PIGN: variants seen among roughly 807,000 people sequenced by gnomAD.
PIGN encodes the protein GPI ethanolamine phosphate transferase 1.
PIGN carries 117 observed loss-of-function variants against 125.4 expected under a neutral mutation model. The observed-to-expected ratio is 0.93, with a 90% confidence interval of 0.80 to 1.09. PIGN has a LOEUF of 1.09. Among genes scored for constraint, PIGN ranks in the 50% least tolerant of loss-of-function variants. The probability of loss-of-function intolerance (pLI) is 0.00; values close to 1 mark genes in which losing one functional copy is unlikely to be tolerated. For missense variants in PIGN, 1,075 were observed against 1,094.9 expected, an observed-to-expected ratio of 0.98 and a Z score of 0.26; for synonymous variants, 392 against 377.8, an observed-to-expected ratio of 1.04 and a Z score of -0.44.
chr18:62,061,735 T>C (rs1599424686), intron 30 of PIGN, among the ~76,000 whole-genome samples: 1 of 152,284 alleles, frequency 6.6e-6, no homozygotes, highest in Admixed American at 6.5e-5. Flanking sequence ...CAGTTTATAA[T>C]ATCAGCGACA....
chr18:62,059,645 G>C (rs2031994320), intron 30 of PIGN, among the ~76,000 whole-genome samples: 1 of 152,194 alleles, frequency 6.6e-6, no homozygotes, highest in Non-Finnish European at 1.5e-5. Context: ...CTGGGCTTGG[G>C]ATGGTAATGG....
intron 30 of PIGN, among the ~76,000 whole-genome samples, chr18:62,058,192 C>T (rs2031864552): frequency 6.6e-6 from 1 of 152,024 alleles, no homozygotes; most frequent in Non-Finnish European, 1.5e-5. Flanking sequence ...TGGACTATTT[C>T]CTTAACCCTT....
chr18:62,118,364 C>G (rs1599562086), intron 14 of PIGN, among the ~76,000 whole-genome samples: 1 of 151,884 alleles, frequency 6.6e-6, no homozygotes, highest in Admixed American at 6.6e-5. Context: ...AATGCTCCCA[C>G]CAAGAACAAC....
rs530282200 is a variant in PIGN, at chr18:62,158,717, C to A, written c.222-909G>T. On this transcript the variant is annotated intron_variant, in intron 4 of 30. Transcript: ENST00000640252. ...ATATTTATAACTACTGGTGTCAGTT[C>A]TTTTACTATTGACTTACCTAATAAT... Among the ~76,000 whole-genome samples the A allele has an allele frequency of 5.3e-5, 8 of 152,304 alleles. No homozygotes were observed. In the South Asian group the frequency reaches 1.4e-3, roughly 28 times the overall value.
chr18:62,098,897 G>A (rs981060859), intron 22 of PIGN, among the ~76,000 whole-genome samples: 2 of 151,868 alleles, frequency 1.3e-5, no homozygotes, highest in Non-Finnish European at 2.9e-5. Context: ...AAATCAATAA[G>A]GACAATAAAT....
intron 23 of PIGN, among the ~76,000 whole-genome samples, chr18:62,030,321 G>A (rs77781631): frequency 0.024 from 3,605 of 152,276 alleles, 110 homozygotes; most frequent in African/African-American, 0.063. Context: ...CAGAGATCCT[G>A]GGGGGACATT....
At chr18:62,151,785 G>C (rs186590897) in intron 7 of PIGN, among the ~76,000 whole-genome samples, 1 of 152,208 alleles carries the variant, frequency 6.6e-6, no homozygotes, top group Non-Finnish European at 1.5e-5. Context: ...GGTAAGAATT[G>C]AGGTTGCTGC....
intron 14 of PIGN, among the ~76,000 whole-genome samples, chr18:62,124,698 G>C (rs529834834): frequency 3.3e-5 from 5 of 152,132 alleles, no homozygotes; most frequent in Non-Finnish European, 5.9e-5. Context: ...TCAAATACCA[G>C]ACATCATATG....
At chr18:62,081,438 A>C (rs1433354530) in intron 28 of PIGN, among the ~76,000 whole-genome samples, 1 of 152,210 alleles carries the variant, frequency 6.6e-6, no homozygotes, top group Admixed American at 6.5e-5. Flanking sequence ...TGTGATATCC[A>C]GGAAGAAATG....
intron 1 of PIGN, among the ~76,000 whole-genome samples, chr18:62,166,699 T>C (rs576909169): frequency 6.6e-6 from 1 of 152,170 alleles, no homozygotes; most frequent in African/African-American, 2.4e-5. Flanking sequence ...GTGGCATATA[T>C]ACACCATGGA....
intron 14 of PIGN, among the ~76,000 whole-genome samples, chr18:62,130,530 G>A (rs997285093): frequency 2.1e-5 from 3 of 141,098 alleles, no homozygotes; most frequent in Non-Finnish European, 4.8e-5. Context: ...AACATGTCAT[G>A]TTTAAGTTAA....
intron 30 of PIGN, among the ~76,000 whole-genome samples, chr18:62,061,727 G>C (rs1035261761): frequency 1.3e-5 from 2 of 152,170 alleles, no homozygotes; most frequent in Non-Finnish European, 2.9e-5. Flanking sequence ...CTGCCGGTCA[G>C]TTTATAATAT....
chr18:62,064,230 T>A (rs1317107830), intron 30 of PIGN, among the ~76,000 whole-genome samples: 1 of 152,220 alleles, frequency 6.6e-6, no homozygotes, highest in Non-Finnish European at 1.5e-5. Flanking sequence ...TATACTATAA[T>A]CATTATCATT....
chr18:62,045,674 C>T lies in PIGN; in HGVS notation c.*182G>A. The T allele has an allele frequency of 2.1e-6, 1 of 466,820 alleles. No homozygotes were observed. The highest frequency in any genetic ancestry group is 3.7e-5 in the South Asian group (1 of 26,830). 28.9% of individuals were successfully genotyped at this position (466,820 alleles called of 1,614,324 possible). A position where few individuals can be genotyped will look rare whatever the true frequency, so the allele number is the denominator to read the frequency against. Reference sequence around the variant, plus strand: ...AATCACTATTTCATGCCTGCAAAACCTAGAAAAAAAAAGAAGCTCCTTTGT... The same window carrying T: ...AATCACTATTTCATGCCTGCAAAACTTAGAAAAAAAAAGAAGCTCCTTTGT... On this transcript the variant is annotated 3_prime_UTR_variant, in exon 31 of 31. Transcript: ENST00000640252.
At chr18:62,120,394 A>T (rs1165356430) in intron 14 of PIGN, among the ~76,000 whole-genome samples, 1 of 152,226 alleles carries the variant, frequency 6.6e-6, no homozygotes, top group African/African-American at 2.4e-5. Flanking sequence ...AAATAACAAC[A>T]GAAAAATGTC....
chr18:62,126,930 T>C (rs2035555196), intron 14 of PIGN, among the ~76,000 whole-genome samples: 1 of 152,140 alleles, frequency 6.6e-6, no homozygotes, highest in Non-Finnish European at 1.5e-5. Context: ...TGATTCAACT[T>C]CCATTGTACC....
At chr18:62,186,075 G>A (rs1352014745) in intron 1 of PIGN, among the ~76,000 whole-genome samples, 2 of 138,734 alleles carry the variant, frequency 1.4e-5, no homozygotes, top group Non-Finnish European at 3.0e-5. Flanking sequence ...TTTTGAGACG[G>A]AGTCTCGTTC....
intron 17 of PIGN, 149 bp from the exon 18 acceptor site, chr18:62,107,234 G>A: frequency 1.6e-6 from 1 of 616,806 alleles, no homozygotes; most frequent in South Asian, 2.1e-5. Context: ...TTTGTTTCAA[G>A]GGCTTTATTT....
intron 11 of PIGN, among the ~76,000 whole-genome samples, chr18:62,141,713 A>G (rs866789115): frequency 2.6e-5 from 4 of 152,122 alleles, no homozygotes; most frequent in South Asian, 4.1e-4. Context: ...ACAAAAAACC[A>G]CATCGTGTCA....
Sources: gnomAD v4.1 joint callset for allele counts (sites outside exome capture counted in the v4.1 genomes callset) on GRCh38, gnomAD v4.1.1 for gene constraint, MANE v1.5 for transcripts, NCBI Gene and HGNC (gene_info 2026-07-23, HGNC 2026-07-21) for gene names.